The following PRKN variants were observed in gnomAD, a reference collection of about 807,000 sequenced individuals.
PRKN encodes the protein parkin RBR E3 ubiquitin protein ligase.
PRKN carries 56 observed loss-of-function variants against 59.5 expected under a neutral mutation model. The ratio of observed to expected loss-of-function variants is 0.94; its 90% CI spans 0.76 to 1.18. The LOEUF is 1.18. Among genes scored for constraint, PRKN ranks in the 50% most tolerant of loss-of-function variants. PRKN has a pLI of 0.00. For missense variants in PRKN, 657 were observed against 596.4 expected (o/e 1.10, Z -1.06); for synonymous variants, 250 against 222.1 (o/e 1.13, Z -1.12).
intron 9 of PRKN, among the ~76,000 whole-genome samples, chr6:161,404,321 A>G (rs1787172486): frequency 6.6e-6 from 1 of 152,194 alleles, no homozygotes; most frequent in Non-Finnish European, 1.5e-5. Context: ...AGGCACCTAG[A>G]CAGAAAATTG....
chr6:161,972,908 C>T (rs1166817817), intron 6 of PRKN, among the ~76,000 whole-genome samples: 2 of 152,048 alleles, frequency 1.3e-5, no homozygotes, highest in African/African-American at 4.8e-5. Context: ...TGGCACATGC[C>T]TAATGTTAAC....
chr6:161,384,971 C>G (rs143687618), intron 10 of PRKN, among the ~76,000 whole-genome samples: 1 of 152,202 alleles, frequency 6.6e-6, no homozygotes, highest in African/African-American at 2.4e-5. Flanking sequence ...CACTCTGTCA[C>G]CAGGCTGGAG....
At chr6:162,426,912 AAAGTT>A (rs1170866375) in intron 2 of PRKN, among the ~76,000 whole-genome samples, 1 of 152,240 alleles carries the variant, frequency 6.6e-6, no homozygotes, top group African/African-American at 2.4e-5. Flanking sequence ...TAACAGCATC[AAAGTT>A]AAGGAGACAA....
chr6:162,708,374 C>A (rs1778408916), intron 1 of PRKN, among the ~76,000 whole-genome samples: 1 of 152,122 alleles, frequency 6.6e-6, no homozygotes, highest in Admixed American at 6.6e-5. Flanking sequence ...GAAATCATAT[C>A]TTTGTCTTAA....
At chr6:161,364,033 G>A (rs1785087133) in intron 10 of PRKN, among the ~76,000 whole-genome samples, 1 of 151,942 alleles carries the variant, frequency 6.6e-6, no homozygotes, top group Non-Finnish European at 1.5e-5. Context: ...GCTGGGCATG[G>A]TGGTGGGCGC....
In PRKN at chr6:161,518,093, T is replaced by C. The variant is rs1239699055; in HGVS notation, c.1083+30761A>G. Among the ~76,000 whole-genome samples the C allele has an allele frequency of 2.0e-5, 3 of 152,110 alleles. No homozygotes were observed. Among genetic ancestry groups the C allele is most frequent in the African/African-American group, 7.2e-5 (3 of 41,418 alleles). On this transcript the variant is annotated intron_variant, in intron 9 of 11. Coordinates refer to ENST00000366898, the MANE Select transcript of PRKN (RefSeq NM_004562.3). The surrounding 1 kb of genome is among the most constrained non-coding windows in gnomAD (Gnocchi z 5.0). ...CTATGAGGGCATGTGCGAGTCTAGCTCTCCAGATACCTTAGATGAAGGCCA... is the reference window on the plus strand; with the variant it reads ...CTATGAGGGCATGTGCGAGTCTAGCCCTCCAGATACCTTAGATGAAGGCCA...
chr6:162,185,189 T>G (rs919357381), intron 4 of PRKN, among the ~76,000 whole-genome samples: 1 of 152,310 alleles, frequency 6.6e-6, no homozygotes, highest in Middle Eastern at 3.4e-3. Context: ...TGGATATTTT[T>G]TCTAAACTCA....
At chr6:162,110,529 A>C (rs1269499715) in intron 4 of PRKN, among the ~76,000 whole-genome samples, 1 of 152,236 alleles carries the variant, frequency 6.6e-6, no homozygotes, top group Non-Finnish European at 1.5e-5. Flanking sequence ...AAACAATATA[A>C]TTATAAATCT....
At chr6:162,488,897 T>C (rs1328768393) in intron 1 of PRKN, among the ~76,000 whole-genome samples, 1 of 152,076 alleles carries the variant, frequency 6.6e-6, no homozygotes, top group Non-Finnish European at 1.5e-5. Flanking sequence ...TCATGCAAAC[T>C]GAAATTAGAA....
chr6:161,972,104 G>A (rs113874562), intron 6 of PRKN, among the ~76,000 whole-genome samples: 12 of 151,892 alleles, frequency 7.9e-5, no homozygotes, highest in African/African-American at 2.9e-4. Context: ...AGAAACCCCC[G>A]TCTCTACTAA....
intron 9 of PRKN, among the ~76,000 whole-genome samples, chr6:161,406,406 C>T (rs1008210480): frequency 3.3e-5 from 5 of 152,066 alleles, no homozygotes; most frequent in Non-Finnish European, 7.4e-5. Flanking sequence ...AAGGTGGTTG[C>T]TTTCAAGTTC....
Position 161,377,584 on chromosome 6 carries a change from G to A in PRKN, c.1167+9210C>T, listed in dbSNP as rs1162490174. Among the ~76,000 whole-genome samples the A allele has an allele frequency of 6.6e-6, 1 of 152,184 alleles. No individual in the cohort carries two copies. Among genetic ancestry groups the A allele is most frequent in the Admixed American group, 6.5e-5 (1 of 15,290 alleles). On this transcript the variant is annotated intron_variant, in intron 10 of 11. Transcript: ENST00000366898. The surrounding 1 kb of genome is among the most constrained non-coding windows in gnomAD (Gnocchi z 4.2). The stretch of plus-strand genomic sequence containing the variant: ...GTCAATAAGCAGAGCCTTGGGCAAC[G>A]CAACTGCTATGGTCCGAGTGTTTGT...
intron 9 of PRKN, among the ~76,000 whole-genome samples, chr6:161,477,817 C>T (rs1253436425): frequency 6.6e-6 from 1 of 152,168 alleles, no homozygotes; most frequent in African/African-American, 2.4e-5. Context: ...ACGGCTCATG[C>T]AGGCCTTCCT....
chr6:162,268,161 C>G (rs566365268), intron 2 of PRKN, among the ~76,000 whole-genome samples: 74 of 152,256 alleles, frequency 4.9e-4, no homozygotes, highest in Non-Finnish European at 9.0e-4. Context: ...TTCTCACACT[C>G]TGATGAGGGA....
At position 162,262,747 on chromosome 6, in the gene PRKN, G is replaced by A. The variant is rs1779947692; in HGVS notation, c.190C>T (p.Gln64Ter). 6.2e-7 allele frequency: 1 copy of A among 1,604,270 alleles called. No homozygotes were observed. Among genetic ancestry groups the A allele is most frequent in the Non-Finnish European group, 8.5e-7 (1 of 1,178,324 alleles). The part of the protein sequence containing the change: ...WTVQNCDLDQ[Q>*]SIVHIVQRPW... ...CTCTGCACAATGTGAACAATGCTCT[G>A]CTGATCCAGGTCACAATTCTGTTTG... Residue 64 changes from glutamine to a stop codon, truncating the protein, a stop_gained, in exon 3 of 12, where the codon CAG becomes TAG. Transcript: ENST00000366898. LOFTEE classifies it high-confidence loss of function.
chr6:162,707,734 C>T (rs892489539), intron 1 of PRKN, among the ~76,000 whole-genome samples: 1 of 152,160 alleles, frequency 6.6e-6, no homozygotes, highest in African/African-American at 2.4e-5. Flanking sequence ...GCCACCACGC[C>T]TGGCTAATTT....
At chr6:162,367,627 G>T (rs915302703) in intron 2 of PRKN, among the ~76,000 whole-genome samples, 1 of 152,190 alleles carries the variant, frequency 6.6e-6, no homozygotes, top group Admixed American at 6.5e-5. Context: ...TTATTTCACA[G>T]CTCTTTTCAG....
At chr6:162,572,608 A>T (rs1441009075) in intron 1 of PRKN, among the ~76,000 whole-genome samples, 1 of 152,180 alleles carries the variant, frequency 6.6e-6, no homozygotes, top group Non-Finnish European at 1.5e-5. Context: ...TGGGGCACTG[A>T]AATATTCCTT....
chr6:161,400,873 C>T lies in PRKN; in HGVS notation c.1084-13996G>A, dbSNP rs1787020195. 6.6e-6 allele frequency among the ~76,000 whole-genome samples: 1 copy of T among 152,128 alleles called. No homozygotes were observed. The highest frequency in any genetic ancestry group is 1.5e-5 in the Non-Finnish European group (1 of 68,010). On this transcript the variant is annotated intron_variant, in intron 9 of 11. Transcript: ENST00000366898. The surrounding 1 kb of genome is among the most constrained non-coding windows in gnomAD (Gnocchi z 4.2). Reference sequence around the variant, plus strand: ...AGAAAGCCAGAGAATAAGAACTGTCCTGGGTTATCGCTAACTTTCACTGTG... The same window carrying T: ...AGAAAGCCAGAGAATAAGAACTGTCTTGGGTTATCGCTAACTTTCACTGTG...
Sources: allele counts gnomAD v4.1 joint callset (sites outside exome capture counted in the v4.1 genomes callset), GRCh38; gene constraint gnomAD v4.1.1; non-coding constraint Gnocchi (gnomAD v3.1); transcripts MANE v1.5; gene names NCBI Gene and HGNC (gene_info 2026-07-23, HGNC 2026-07-21).